Variants in ATG13 observed in about 807,000 individuals in gnomAD.
ATG13 encodes the protein autophagy-related protein 13.
Under a neutral mutation model 65.5 loss-of-function variants are expected in ATG13, and 23 were observed. That is an observed-to-expected ratio of 0.35 (90% CI 0.25 to 0.50). The LOEUF is 0.50. Ranked by LOEUF, ATG13 falls within the 20% of genes least tolerant of loss-of-function variation. The probability of loss-of-function intolerance (pLI) is 0.98; values close to 1 mark genes in which losing one functional copy is unlikely to be tolerated. For synonymous variants in ATG13, 252 were observed against 245.2 expected, an observed-to-expected ratio of 1.03 and a Z score of -0.26; for missense variants, 566 against 677.0, an observed-to-expected ratio of 0.84 and a Z score of 1.82.
chr11:46,649,914 AT>A (rs781119025), intron 6 of ATG13, among the ~76,000 whole-genome samples: 24 of 152,050 alleles, frequency 1.6e-4, no homozygotes, highest in Non-Finnish European at 2.9e-4. Flanking sequence ...TTATTTATTT[AT>A]ATGTTTTCAG....
intron 2 of ATG13, among the ~76,000 whole-genome samples, chr11:46,635,663 A>G (rs1453702385): frequency 3.3e-5 from 5 of 152,232 alleles, no homozygotes; most frequent in Non-Finnish European, 7.3e-5. Context: ...TAAACCTTAC[A>G]TACATTTATC....
chr11:46,672,879 T>C lies in ATG13; in HGVS notation c.*547T>C. Reference sequence around the variant, plus strand: ...TTCTCCTCTTCTTCTCTCTCTTGCCTCTATGCCTGTATTTCTGGCAATATG... The same window carrying C: ...TTCTCCTCTTCTTCTCTCTCTTGCCCCTATGCCTGTATTTCTGGCAATATG... On this transcript the variant is annotated 3_prime_UTR_variant, in exon 19 of 19. Coordinates refer to ENST00000683050, the MANE Select transcript of ATG13 (RefSeq NM_001346311.2). The C allele has an allele frequency of 9.3e-7, 1 of 1,080,914 alleles. No individual in the cohort carries two copies. The highest frequency in any genetic ancestry group is 1.2e-6 in the Non-Finnish European group (1 of 838,922). 67.0% of individuals were successfully genotyped at this position (1,080,914 alleles called of 1,614,324 possible).
At chr11:46,623,243 G>A (rs59075638) in intron 1 of ATG13, among the ~76,000 whole-genome samples, 1 of 152,148 alleles carries the variant, frequency 6.6e-6, no homozygotes, top group Middle Eastern at 3.4e-3. Context: ...GCAGTGAGCC[G>A]AGATTGTGCC....
intron 1 of ATG13, among the ~76,000 whole-genome samples, chr11:46,623,902 A>G (rs1019566528): frequency 6.6e-6 from 1 of 150,418 alleles, no homozygotes; most frequent in Non-Finnish European, 1.5e-5. Context: ...TTTTTGCATT[A>G]TATTTACACA....
chr11:46,639,653 G>T (rs1252878897), intron 2 of ATG13, among the ~76,000 whole-genome samples: 1 of 152,100 alleles, frequency 6.6e-6, no homozygotes, highest in Non-Finnish European at 1.5e-5. Flanking sequence ...GCCTCCCAGG[G>T]AGTTTGTGGG....
chr11:46,659,620 AAG>A (rs2060747568), intron 11 of ATG13, 135 bp downstream of exon 11: 2 of 641,878 alleles, frequency 3.1e-6, no homozygotes, highest in Non-Finnish European at 5.4e-6. Context: ...TTTGAGGGGT[AAG>A]AGAGAGCCTT....
intron 1 of ATG13, among the ~76,000 whole-genome samples, chr11:46,618,807 AG>A (rs1270109202): frequency 2.6e-5 from 4 of 151,462 alleles, no homozygotes; most frequent in African/African-American, 9.7e-5. Flanking sequence ...TTAGTTTTTT[AG>A]ATTTTAAAAT....
intron 5 of ATG13, 59 bp from the exon 6 acceptor site, chr11:46,649,078 G>A (rs569779894): frequency 3.5e-5 from 51 of 1,450,554 alleles, no homozygotes; most frequent in Non-Finnish European, 4.7e-5. Flanking sequence ...TATAGTGACT[G>A]TAATGCTTTG....
intron 1 of ATG13, among the ~76,000 whole-genome samples, chr11:46,621,601 T>G (rs1386129383): frequency 6.6e-6 from 1 of 152,190 alleles, no homozygotes; most frequent in Non-Finnish European, 1.5e-5. Context: ...ATTTATGTGC[T>G]CTTCTGACTT....
chr11:46,645,451 T>C lies in ATG13; in HGVS notation c.150+32T>C, dbSNP rs1555087064. On this transcript the variant is annotated intron_variant, in intron 4 of 18. Coordinates refer to ENST00000683050, the MANE Select transcript of ATG13 (RefSeq NM_001346311.2). Reference sequence around the variant, plus strand: ...TTCTATTATTTACTAAGGTGTATACTGTAGTGTTTGTCACAAGGAATGTGT... The same window carrying C: ...TTCTATTATTTACTAAGGTGTATACCGTAGTGTTTGTCACAAGGAATGTGT... 24 of 1,559,668 alleles carry C rather than the reference T, an allele frequency of 1.5e-5. No individual in the cohort carries two copies. The South Asian group carries it at 2.3e-4, about 15-fold the overall frequency.
At chr11:46,643,430 C>T (rs578202012) in intron 2 of ATG13, among the ~76,000 whole-genome samples, 42 of 152,246 alleles carry the variant, frequency 2.8e-4, no homozygotes, top group African/African-American at 9.4e-4. Context: ...TCTGCTGGCT[C>T]AGGACGTCCA....
intron 7 of ATG13, 25 bp from the exon 8 acceptor site, chr11:46,656,208 A>G (rs761193302): frequency 8.7e-6 from 14 of 1,606,438 alleles, no homozygotes; most frequent in South Asian, 1.1e-5. Flanking sequence ...ATCAGGTAAC[A>G]TTTCTTATTT....
At position 46,657,574 on chromosome 11, in the gene ATG13, T is replaced by G; in HGVS notation, c.647T>G (p.Val216Gly). ...ATGGGGATTATTATTGATCACTTTG[T>G]GGACCGTCCCTATCCCAGCTCCTCT... is the stretch of plus-strand genomic sequence containing the variant. ...PIMGIIIDHF[V>G]DRPYPSSSPM... is the part of the protein sequence containing the mutation. The change falls in exon 10 of 19, where the codon GTG becomes GGG. Residue 216 changes from valine (V) to glycine (G), a missense_variant. By Grantham distance (109) the Val-to-Gly change is moderately radical (BLOSUM62 -3). Transcript: ENST00000683050. 1 of 1,613,750 alleles carries G rather than the reference T, an allele frequency of 6.2e-7. No individual in the cohort carries two copies. The highest frequency in any genetic ancestry group is 2.2e-5 in the East Asian group (1 of 44,880).
chr11:46,642,715 C>T (rs2056451441), intron 2 of ATG13, among the ~76,000 whole-genome samples: 2 of 152,164 alleles, frequency 1.3e-5, no homozygotes, highest in African/African-American at 4.8e-5. Flanking sequence ...TTTTCATACT[C>T]AAAAGTGTTC....
At chr11:46,629,891 T>C (rs1027813447) in intron 1 of ATG13, 154 bp from the exon 2 acceptor site, 4 of 152,200 alleles carry the variant, frequency 2.6e-5, no homozygotes, top group Admixed American at 1.3e-4. Flanking sequence ...ATTCATTTTA[T>C]TTTTGGTCTC....
intron 7 of ATG13, among the ~76,000 whole-genome samples, chr11:46,651,960 A>G (rs996171210): frequency 1.3e-5 from 2 of 152,148 alleles, no homozygotes; most frequent in Non-Finnish European, 2.9e-5. Context: ...TGGAGTAATC[A>G]TTACTGCTCA....
chr11:46,628,969 C>T (rs1333049005), intron 1 of ATG13, among the ~76,000 whole-genome samples: 1 of 148,186 alleles, frequency 6.7e-6, no homozygotes, highest in Non-Finnish European at 1.5e-5. Flanking sequence ...CGGAGTCTCA[C>T]TGTGTCACCC....
chr11:46,650,754 C>T (rs112290694), intron 7 of ATG13, among the ~76,000 whole-genome samples: 3 of 152,208 alleles, frequency 2.0e-5, no homozygotes, highest in African/African-American at 2.4e-5. Flanking sequence ...TACAGGCACC[C>T]GCCACCATGC....
chr11:46,656,384 A>C, intron 8 of ATG13, 111 bp downstream of exon 8: 3 of 1,119,004 alleles, frequency 2.7e-6, no homozygotes, highest in Non-Finnish European at 3.9e-6. Context: ...AATATGCATA[A>C]TACAAGTAAA....
Sources: gnomAD v4.1 joint callset for allele counts (sites outside exome capture counted in the v4.1 genomes callset) on GRCh38, gnomAD v4.1.1 for gene constraint, MANE v1.5 for transcripts, NCBI Gene and HGNC (gene_info 2026-07-23, HGNC 2026-07-21) for gene names.